The following CORIN variants were observed in gnomAD, a reference collection of about 807,000 sequenced individuals.
CORIN encodes atrial natriuretic peptide-converting enzyme.
In CORIN, 117 loss-of-function variants were observed where a neutral mutation model predicts 125.3. The ratio of observed to expected loss-of-function variants is 0.93; its 90% confidence interval spans 0.80 to 1.09. The LOEUF is 1.09. Ranked by LOEUF, CORIN falls within the 50% of genes least tolerant of loss-of-function variation. The pLI is 0.00. For synonymous variants in CORIN, 450 were observed against 466.4 expected (o/e 0.96, Z 0.45); for missense variants, 1,253 against 1,306.7 (o/e 0.96, Z 0.63).
chr4:47,693,176 G>A, intron 5 of CORIN, 93 bp from the exon 6 acceptor site: 1 of 820,654 alleles, frequency 1.2e-6, no homozygotes, highest in Non-Finnish European at 2.0e-6. Flanking sequence ...ATCTTCTTTT[G>A]CTATTCAACA....
intron 2 of CORIN, among the ~76,000 whole-genome samples, chr4:47,797,003 C>T (rs1731316442): frequency 6.6e-6 from 1 of 151,932 alleles, no homozygotes; most frequent in Non-Finnish European, 1.5e-5. Context: ...GCCTTCTTCC[C>T]TCACTGTGGA....
intron 1 of CORIN, among the ~76,000 whole-genome samples, chr4:47,826,895 T>A (rs1279483394): frequency 6.6e-6 from 1 of 152,148 alleles, no homozygotes; most frequent in East Asian, 1.9e-4. Context: ...AGAAATGCTA[T>A]AAGGGTAGTG....
intron 20 of CORIN, 56 bp from the exon 21 acceptor site, chr4:47,600,403 G>A (rs1721407819): frequency 1.7e-6 from 2 of 1,204,072 alleles, no homozygotes; most frequent in Admixed American, 2.2e-5. Flanking sequence ...TCAAAAGTGA[G>A]GCTAGTGAGG....
rs201365573 is a variant in CORIN, at chr4:47,693,048, T to C, written c.835A>G (p.Ser279Gly). Residue 279 changes from serine to glycine, a missense_variant, in exon 6 of 22, where the codon AGT becomes GGT. Ser to Gly is a moderately conservative substitution (Grantham distance 56). Coordinates refer to ENST00000273857, the MANE Select transcript of CORIN (RefSeq NM_006587.4). The part of the protein sequence containing the change: ...CGRGENFLCA[S>G]GICIPGKLQC... Reference sequence around the variant, plus strand: ...AGTTTCCCGGGGATGCAGATTCCACTGGCACACAGAAAGTTCTCACCCCTT... The same window carrying C: ...AGTTTCCCGGGGATGCAGATTCCACCGGCACACAGAAAGTTCTCACCCCTT... 3.5e-5 allele frequency: 57 copies of C among 1,613,554 alleles called. No individual in the cohort carries two copies. In the East Asian group the frequency reaches 1.3e-3, roughly 36 times the overall value.
chr4:47,606,351 C>G (rs1032286631), intron 19 of CORIN, among the ~76,000 whole-genome samples: 15 of 152,084 alleles, frequency 9.9e-5, no homozygotes, highest in Non-Finnish European at 2.9e-5. Context: ...CTCCCAGGCT[C>G]AAGCGATCCA....
chr4:47,771,082 T>A (rs1730007563), intron 3 of CORIN, among the ~76,000 whole-genome samples: 1 of 152,094 alleles, frequency 6.6e-6, no homozygotes, highest in Admixed American at 6.6e-5. Context: ...CAGATCCAAG[T>A]GATGTTACAA....
At chr4:47,675,345 C>T (rs565212250) in intron 9 of CORIN, among the ~76,000 whole-genome samples, 1 of 152,120 alleles carries the variant, frequency 6.6e-6, no homozygotes, top group South Asian at 2.1e-4. Flanking sequence ...TCATTCTTAC[C>T]TATAATTCTA....
intron 5 of CORIN, among the ~76,000 whole-genome samples, chr4:47,729,991 G>C (rs1727791568): frequency 6.6e-6 from 1 of 152,092 alleles, no homozygotes; most frequent in East Asian, 1.9e-4. Context: ...ACCTCGCTGA[G>C]AGCCACCTCC....
intron 3 of CORIN, among the ~76,000 whole-genome samples, chr4:47,771,417 T>C (rs1218021547): frequency 6.6e-6 from 1 of 152,190 alleles, no homozygotes; most frequent in Admixed American, 6.5e-5. Flanking sequence ...AGACAGGGTC[T>C]CTCCATGAAG....
At chr4:47,686,776 T>C (rs1451169392) in intron 6 of CORIN, among the ~76,000 whole-genome samples, 1 of 152,188 alleles carries the variant, frequency 6.6e-6, no homozygotes, top group African/African-American at 2.4e-5. Context: ...GCCCAGAGGA[T>C]GGGGGACAGT....
At chr4:47,647,335 A>G (rs1429700481) in intron 13 of CORIN, among the ~76,000 whole-genome samples, 2 of 152,128 alleles carry the variant, frequency 1.3e-5, no homozygotes, top group African/African-American at 4.8e-5. Context: ...TCTGCTCACA[A>G]AACATACCAC....
intron 3 of CORIN, among the ~76,000 whole-genome samples, chr4:47,773,426 T>C (rs1207836205): frequency 6.6e-6 from 1 of 152,184 alleles, no homozygotes; most frequent in African/African-American, 2.4e-5. Context: ...ACGGGAGTAA[T>C]GAATTCTAGG....
At chr4:47,749,529 C>T (rs775858946) in intron 4 of CORIN, among the ~76,000 whole-genome samples, 3 of 152,294 alleles carry the variant, frequency 2.0e-5, no homozygotes, top group African/African-American at 2.4e-5. Context: ...AGACCCCAAC[C>T]CTGCCAACAT....
chr4:47,607,386 C>T (rs189106148), intron 19 of CORIN, among the ~76,000 whole-genome samples: 13 of 149,694 alleles, frequency 8.7e-5, no homozygotes, highest in African/African-American at 2.2e-4. Context: ...CCAGCCTGGG[C>T]GACAGAGTGA....
chr4:47,763,416 G>A lies in CORIN; in HGVS notation c.580C>T (p.Leu194Phe), dbSNP rs1214106899. Residue 194 changes from leucine to phenylalanine, a missense_variant, in exon 4 of 22, where the codon CTC (leucine) becomes TTC (phenylalanine). Transcript: ENST00000273857. ...YQHIMLFGCTLAFPECIIDGD... is the reference protein window; with the variant it reads ...YQHIMLFGCTFAFPECIIDGD... ...TCAATGATGCACTCAGGGAAGGCGA[G>A]GGTACAGCCAAACAGCATGATATGT... The A allele has an allele frequency of 5.0e-6, 8 of 1,613,938 alleles. No individual in the cohort carries two copies. The highest frequency in any genetic ancestry group is 1.7e-5 in the Admixed American group (1 of 59,988).
intron 4 of CORIN, among the ~76,000 whole-genome samples, chr4:47,747,515 C>T (rs4996311): frequency 8.9e-4 from 124 of 139,392 alleles, no homozygotes; most frequent in African/African-American, 3.6e-3. Flanking sequence ...TATTTTATTT[C>T]ATTTCATTTC....
chr4:47,704,395 C>G (rs1370888665), intron 5 of CORIN, among the ~76,000 whole-genome samples: 1 of 152,054 alleles, frequency 6.6e-6, no homozygotes, highest in African/African-American at 2.4e-5. Context: ...TCACAGGACT[C>G]ACATGTTCTT....
At chr4:47,764,336 G>A (rs1045103393) in intron 3 of CORIN, among the ~76,000 whole-genome samples, 2 of 152,130 alleles carry the variant, frequency 1.3e-5, no homozygotes, top group African/African-American at 4.8e-5. Context: ...TCTTTTGGGC[G>A]CCACCATATC....
intron 15 of CORIN, 127 bp from the exon 16 acceptor site, chr4:47,642,176 G>A: frequency 1.1e-6 from 1 of 948,446 alleles, no homozygotes; most frequent in Non-Finnish European, 1.5e-6. Flanking sequence ...ATCATTTGAT[G>A]TGTACCTACC....
Sources: gnomAD v4.1 joint callset for allele counts (sites outside exome capture counted in the v4.1 genomes callset) on GRCh38, gnomAD v4.1.1 for gene constraint, MANE v1.5 for transcripts, NCBI Gene and HGNC (gene_info 2026-07-23, HGNC 2026-07-21) for gene names.